The following IFNA14 variants were observed in gnomAD, a reference collection of about 807,000 sequenced individuals.
IFNA14 encodes interferon alpha 14.
For synonymous variants in IFNA14, 113 were observed against 76.8 expected, an observed-to-expected ratio of 1.47 and a Z score of -2.46; for missense variants, 337 against 214.9, an observed-to-expected ratio of 1.57 and a Z score of -3.55.
Position 21,239,627 on chromosome 9 carries a change from G to T in IFNA14, c.309C>A (p.Thr103=). The T allele has an allele frequency of 6.2e-7, 1 of 1,613,828 alleles. No homozygotes were observed. Among genetic ancestry groups the T allele is most frequent in the Non-Finnish European group, 8.5e-7 (1 of 1,179,906 alleles). The change falls in exon 1 of 1, where the codon ACC becomes ACA. Residue 103 remains threonine (T), a synonymous_variant. Transcript: ENST00000380222. The part of the protein sequence containing the change: ...TKNSSAAWDE[T]LLEKFYIELF... ...GTTCAATGTAGAATTTTTCTAGGAG[G>T]GTCTCATCCCAAGCAGCAGATGAGT...
At position 21,239,703 on chromosome 9, in the gene IFNA14, G is replaced by C. The variant is rs745349351; in HGVS notation, c.233C>G (p.Ser78Cys). 3.7e-6 allele frequency: 6 copies of C among 1,613,984 alleles called. No homozygotes were observed. The highest frequency in any genetic ancestry group is 5.1e-6 in the Non-Finnish European group (6 of 1,180,004). ...CTGCTGCATCATCTCATGGAGGACA[G>C]AGATGGCTTGAGCTTTCTGGAACTG... is the stretch of plus-strand genomic sequence containing the variant. The part of the protein sequence containing the change: ...GNQFQKAQAI[S>C]VLHEMMQQTF... The change falls in exon 1 of 1, where the codon TCT (serine) becomes TGT (cysteine). Residue 78 changes from serine to cysteine, a missense_variant. Ser to Cys is a moderately radical substitution (Grantham distance 112). Transcript: ENST00000380222.
In IFNA14 at chr9:21,239,796, A is replaced by G. The variant is rs775675663; in HGVS notation, c.140T>C (p.Ile47Thr). Reference protein sequence around the residue: ...TLMLMAQMRRISPFSCLKDRH... With the variant: ...TLMLMAQMRRTSPFSCLKDRH... Reference sequence around the variant, plus strand: ...GTCCTTCAGGCAGGAGAAAGGAGAGATTCTCCTCATTTGTGCCATGAGCAT... The same window carrying G: ...GTCCTTCAGGCAGGAGAAAGGAGAGGTTCTCCTCATTTGTGCCATGAGCAT... Residue 47 changes from isoleucine (I) to threonine (T), a missense_variant, in exon 1 of 1, where the codon ATC (isoleucine) becomes ACC (threonine). Ile to Thr is a moderately conservative substitution (Grantham distance 89). Coordinates refer to ENST00000380222, the MANE Select transcript of IFNA14 (RefSeq NM_002172.3). 3.7e-6 allele frequency: 6 copies of G among 1,614,016 alleles called. No individual in the cohort carries two copies. The Admixed American group carries it at 8.3e-5, about 22-fold the overall frequency.
At position 21,239,814 on chromosome 9, in the gene IFNA14, A is replaced by G. The variant is rs765905170; in HGVS notation, c.122T>C (p.Met41Thr). Residue 41 changes from methionine (M) to threonine (T), a missense_variant, in exon 1 of 1, where the codon ATG (methionine) becomes ACG (threonine). Coordinates refer to ENST00000380222, the MANE Select transcript of IFNA14 (RefSeq NM_002172.3). The stretch of plus-strand genomic sequence containing the variant: ...AGGAGAGATTCTCCTCATTTGTGCC[A>G]TGAGCATCAAAGTCCTCCTGTTATT... ...SLNNRRTLML[M>T]AQMRRISPFS... 3 of 1,614,154 alleles carry G rather than the reference A, an allele frequency of 1.9e-6. No individual in the cohort carries two copies. The highest frequency in any genetic ancestry group is 2.5e-6 in the Non-Finnish European group (3 of 1,180,012).
chr9:21,239,232 T>A lies in IFNA14; in HGVS notation c.*134A>T. The A allele has an allele frequency of 1.4e-6, 2 of 1,480,540 alleles. No homozygotes were observed. The highest frequency in any genetic ancestry group is 4.6e-5 in the East Asian group (2 of 43,876). The allele number at this position is 1,480,540 out of a possible 1,614,324, so 91.7% of individuals were successfully genotyped here. On this transcript the variant is annotated 3_prime_UTR_variant, in exon 1 of 1. Transcript: ENST00000380222. ...AGGTATACATGATGCTTCTTTACAC[T>A]CCTGAAAACATTTGAAAATTTTGAT...
Position 21,239,359 on chromosome 9 carries a change from C to T in IFNA14, c.*7G>A, listed in dbSNP as rs12156618. ...CAATGAGAATCATTTCCATGATGAA[C>T]CAGTTTTCAATCCTTCCTCCTTAAT... is the stretch of plus-strand genomic sequence containing the variant. On this transcript the variant is annotated 3_prime_UTR_variant, in exon 1 of 1. Coordinates refer to ENST00000380222, the MANE Select transcript of IFNA14 (RefSeq NM_002172.3). The T allele has an allele frequency of 4.1e-3, 6,539 of 1,613,500 alleles. 20 individuals are homozygous for T. The highest frequency in any genetic ancestry group is 4.8e-3 in the Non-Finnish European group (5,639 of 1,179,882).
Position 21,239,946 on chromosome 9 carries a change from G to T in IFNA14, c.-11C>A. On this transcript the variant is annotated 5_prime_UTR_variant, in exon 1 of 1. Transcript: ENST00000380222. ...AAAGGGCAATGCCATTGGGAATCCC[G>T]AAGATGCTGCTGGGCTGGTTGATGA... The T allele has an allele frequency of 6.2e-7, 1 of 1,612,520 alleles. No homozygotes were observed.
Position 21,239,825 on chromosome 9 carries a change from A to T in IFNA14, c.111T>A (p.Thr37=), listed in dbSNP as rs562508181. 4 of 1,614,012 alleles carry T rather than the reference A, an allele frequency of 2.5e-6. No homozygotes were observed. The highest frequency in any genetic ancestry group is 3.4e-6 in the Non-Finnish European group (4 of 1,180,012). The change falls in exon 1 of 1, where the codon ACT becomes ACA. Residue 37 remains threonine, a synonymous_variant. Coordinates refer to ENST00000380222, the MANE Select transcript of IFNA14 (RefSeq NM_002172.3). The part of the protein sequence containing the change: ...SQTHSLNNRR[T]LMLMAQMRRI... ...TCCTCATTTGTGCCATGAGCATCAAAGTCCTCCTGTTATTCAGGCTGTGGG... is the reference window on the plus strand; with the variant it reads ...TCCTCATTTGTGCCATGAGCATCAATGTCCTCCTGTTATTCAGGCTGTGGG...
rs893815446 is a variant in IFNA14 at position 21,239,277 on chromosome 9, G to A, written c.*89C>T. 7.6e-6 allele frequency: 12 copies of A among 1,587,136 alleles called. No individual in the cohort carries two copies. Among genetic ancestry groups the A allele is most frequent in the Non-Finnish European group, 9.4e-6 (11 of 1,171,512 alleles). ...TTTGATTCAACTTGTGGTGGTTATA[G>A]GAGAAGTGAGTCTTTGAAATGGAAG... is the stretch of plus-strand genomic sequence containing the variant. On this transcript the variant is annotated 3_prime_UTR_variant, in exon 1 of 1. Transcript: ENST00000380222.
In IFNA14 at chr9:21,239,488, T is replaced by C; in HGVS notation, c.448A>G (p.Ile150Val). 6.2e-7 allele frequency: 1 copy of C among 1,614,144 alleles called. No individual in the cohort carries two copies. The highest frequency in any genetic ancestry group is 1.1e-5 in the South Asian group (1 of 91,088). ...TTCTTCTCCATCAGATAAAGAGTGA[T>C]TCTTTGGAAGTATTTCTTCACAGCC... ...ILAVKKYFQR[I>V]TLYLMEKKYS... The change falls in exon 1 of 1, where the codon ATC (isoleucine) becomes GTC (valine). Residue 150 changes from isoleucine (I) to valine (V), a missense_variant. Physicochemically the swap from Ile to Val is conservative, Grantham distance 29 (BLOSUM62 3). Coordinates refer to ENST00000380222, the MANE Select transcript of IFNA14 (RefSeq NM_002172.3).
Position 21,239,259 on chromosome 9 carries a change from C to T in IFNA14, c.*107G>A, listed in dbSNP as rs1818844837. 6.4e-7 allele frequency: 1 copy of T among 1,562,378 alleles called. No individual in the cohort carries two copies. The highest frequency in any genetic ancestry group is 1.2e-5 in the South Asian group (1 of 82,400). On this transcript the variant is annotated 3_prime_UTR_variant, in exon 1 of 1. Coordinates refer to ENST00000380222, the MANE Select transcript of IFNA14 (RefSeq NM_002172.3). ...CTGAAAACATTTGAAAATTTTGATT[C>T]AACTTGTGGTGGTTATAGGAGAAGT...
chr9:21,239,961 C>T lies in IFNA14; in HGVS notation c.-26G>A. On this transcript the variant is annotated 5_prime_UTR_variant, in exon 1 of 1. Coordinates refer to ENST00000380222, the MANE Select transcript of IFNA14 (RefSeq NM_002172.3). ...TGGGAATCCCGAAGATGCTGCTGGG[C>T]TGGTTGATGAGGGGTAACACTGAAC... 6.2e-7 allele frequency: 1 copy of T among 1,603,292 alleles called. No individual in the cohort carries two copies.
rs1818862361 is a variant in IFNA14 at position 21,239,876 on chromosome 9, G to A, written c.60C>T (p.Cys20=). The part of the protein sequence containing the change: ...ALVVLSCKSS[C]SLGCNLSQTH... ...TTTGAGACAGATTACAGCCCAGAGA[G>A]CAGCTTGACTTGCAGCTGAGCACCA... The change falls in exon 1 of 1, where the codon TGC becomes TGT. Residue 20 remains cysteine (C), a synonymous_variant. Coordinates refer to ENST00000380222, the MANE Select transcript of IFNA14 (RefSeq NM_002172.3). 1 of 1,614,122 alleles carries A rather than the reference G, an allele frequency of 6.2e-7. No homozygotes were observed. Among genetic ancestry groups the A allele is most frequent in the Non-Finnish European group, 8.5e-7 (1 of 1,180,004 alleles).
chr9:21,239,907 G>A lies in IFNA14; in HGVS notation c.29C>T (p.Ala10Val), dbSNP rs756728663. Residue 10 changes from alanine (A) to valine (V), a missense_variant, in exon 1 of 1, where the codon GCC becomes GTC. By Grantham distance (64) the Ala-to-Val change is moderately conservative (BLOSUM62 0). Coordinates refer to ENST00000380222, the MANE Select transcript of IFNA14 (RefSeq NM_002172.3). ...TGACTTGCAGCTGAGCACCACCAGG[G>A]CCATCATTAAAGCAAAGGGCAATGC... MALPFALMM[A>V]LVVLSCKSSC... is the part of the protein sequence containing the mutation. 8.1e-6 allele frequency: 13 copies of A among 1,613,946 alleles called. No individual in the cohort carries two copies. The South Asian group carries it at 1.3e-4, about 16-fold the overall frequency.
chr9:21,239,869 C>T lies in IFNA14; in HGVS notation c.67G>A (p.Gly23Ser). ...VLSCKSSCSL[G>S]CNLSQTHSLN... The stretch of plus-strand genomic sequence containing the variant: ...CTGTGGGTTTGAGACAGATTACAGC[C>T]CAGAGAGCAGCTTGACTTGCAGCTG... Residue 23 changes from glycine (G) to serine (S), a missense_variant, in exon 1 of 1, where the codon GGC becomes AGC. Coordinates refer to ENST00000380222, the MANE Select transcript of IFNA14 (RefSeq NM_002172.3). 6.2e-7 allele frequency: 1 copy of T among 1,614,024 alleles called. No homozygotes were observed.
Position 21,239,846 on chromosome 9 carries a change from G to A in IFNA14, c.90C>T (p.His30=). The A allele has an allele frequency of 1.9e-6, 3 of 1,614,096 alleles. No homozygotes were observed. The highest frequency in any genetic ancestry group is 1.7e-6 in the Non-Finnish European group (2 of 1,179,976). ...TCAAAGTCCTCCTGTTATTCAGGCT[G>A]TGGGTTTGAGACAGATTACAGCCCA... The part of the protein sequence containing the change: ...CSLGCNLSQT[H]SLNNRRTLML... Residue 30 remains histidine, a synonymous_variant, in exon 1 of 1, where the codon CAC becomes CAT. Transcript: ENST00000380222.
In IFNA14 at chr9:21,239,668, G is replaced by C. The variant is rs1196529289; in HGVS notation, c.268C>G (p.Leu90Val). ...GCAGATGAGTTCTTTGTGCTGAAGA[G>C]ATTGAAGGTCTGCTGCATCATCTCA... is the stretch of plus-strand genomic sequence containing the variant. ...LHEMMQQTFNLFSTKNSSAAW... is the reference protein window; with the variant it reads ...LHEMMQQTFNVFSTKNSSAAW... The change falls in exon 1 of 1, where the codon CTC (leucine) becomes GTC (valine). Residue 90 changes from leucine (L) to valine (V), a missense_variant. Physicochemically the swap from Leu to Val is conservative, Grantham distance 32. Transcript: ENST00000380222. 3 of 1,614,026 alleles carry C rather than the reference G, an allele frequency of 1.9e-6. No individual in the cohort carries two copies. Among genetic ancestry groups the C allele is most frequent in the Non-Finnish European group, 2.5e-6 (3 of 1,179,950 alleles).
chr9:21,239,224 C>A lies in IFNA14; in HGVS notation c.*142G>T, dbSNP rs1444791056. The A allele has an allele frequency of 2.1e-6, 3 of 1,435,102 alleles. No homozygotes were observed. Among genetic ancestry groups the A allele is most frequent in the Non-Finnish European group, 2.8e-6 (3 of 1,061,358 alleles). 88.9% of individuals were successfully genotyped at this position (1,435,102 alleles called of 1,614,324 possible). A position where few individuals can be genotyped will look rare whatever the true frequency, so the allele number is the denominator to read the frequency against. ...GCCTGCACAGGTATACATGATGCTT[C>A]TTTACACTCCTGAAAACATTTGAAA... is the stretch of plus-strand genomic sequence containing the variant. On this transcript the variant is annotated 3_prime_UTR_variant, in exon 1 of 1. Transcript: ENST00000380222.
In IFNA14 at chr9:21,239,158, A is replaced by G. The variant is rs1355760421; in HGVS notation, c.*208T>C. 4 of 425,258 alleles carry G rather than the reference A, an allele frequency of 9.4e-6. No homozygotes were observed. Among genetic ancestry groups the G allele is most frequent in the Non-Finnish European group, 1.6e-5 (4 of 250,346 alleles). 26.3% of individuals were successfully genotyped at this position (425,258 alleles called of 1,614,324 possible). ...AATAAATAAATATTTAAATAAATAG[A>G]TGAAAGGAGACATCAGCATGGTCAT... is the stretch of plus-strand genomic sequence containing the variant. On this transcript the variant is annotated 3_prime_UTR_variant, in exon 1 of 1. Transcript: ENST00000380222.
chr9:21,239,980 A>C lies in IFNA14; in HGVS notation c.-45T>G, dbSNP rs2132957052. Reference sequence around the variant, plus strand: ...GCTGGGCTGGTTGATGAGGGGTAACACTGAACCTTGGGTTGTAGGTTTTCT... The same window carrying C: ...GCTGGGCTGGTTGATGAGGGGTAACCCTGAACCTTGGGTTGTAGGTTTTCT... On this transcript the variant is annotated 5_prime_UTR_variant, in exon 1 of 1. Transcript: ENST00000380222. 1 of 1,540,552 alleles carries C rather than the reference A, an allele frequency of 6.5e-7. No individual in the cohort carries two copies. Among genetic ancestry groups the C allele is most frequent in the East Asian group, 2.2e-5 (1 of 44,536 alleles).
Sources: allele counts gnomAD v4.1 joint callset, GRCh38; gene constraint gnomAD v4.1.1; transcripts MANE v1.5; gene names NCBI Gene and HGNC (gene_info 2026-07-23, HGNC 2026-07-21).